The following PRIMPOL variants were observed in gnomAD, a reference collection of about 807,000 sequenced individuals.
The protein encoded by PRIMPOL is primase and DNA directed polymerase.
PRIMPOL carries 54 observed loss-of-function variants against 63.6 expected under a neutral mutation model. The observed-to-expected ratio is 0.85, with a 90% confidence interval of 0.68 to 1.07. The LOEUF is 1.07. PRIMPOL is among the 50% of genes least tolerant of loss of function. The pLI is 0.00. For synonymous variants in PRIMPOL, 197 were observed against 220.2 expected (o/e 0.89, Z 0.93); for missense variants, 610 against 648.3 (o/e 0.94, Z 0.64).
At chr4:184,684,203 AT>A (rs1203546458) in intron 9 of PRIMPOL, among the ~76,000 whole-genome samples, 1 of 152,200 alleles carries the variant, frequency 6.6e-6, no homozygotes, top group Non-Finnish European at 1.5e-5. Context: ...CACGCCTGTA[AT>A]CCCAGCACTT....
At chr4:184,667,914 A>G (rs1226240373) in intron 6 of PRIMPOL, among the ~76,000 whole-genome samples, 1 of 152,138 alleles carries the variant, frequency 6.6e-6, no homozygotes, top group Non-Finnish European at 1.5e-5. Flanking sequence ...TTCTAGGTGC[A>G]TGAGCCGTGT....
Position 184,691,506 on chromosome 4 carries a change from G to A in PRIMPOL, c.1303G>A (p.Val435Ile), listed in dbSNP as rs750021335. Residue 435 changes from valine to isoleucine, a missense_variant, in exon 12 of 14, where the codon GTT becomes ATT. Around this residue, in one of 3 missense-constraint regions of PRIMPOL, gnomAD observed 444 missense variants for 456.4 expected, o/e 0.97. Coordinates refer to ENST00000314970, the MANE Select transcript of PRIMPOL (RefSeq NM_152683.4). ...AHKSNNIMIL[V>I]DLKNEVWYQK... ...TTTTTTTTAAACATAAAGGATTCTG[G>A]TTGATCTGAAAAATGAAGTTTGGTA... The A allele has an allele frequency of 6.3e-7, 1 of 1,575,948 alleles. No homozygotes were observed. The highest frequency in any genetic ancestry group is 1.7e-5 in the Admixed American group (1 of 58,812).
chr4:184,688,074 C>A (rs148797012), intron 11 of PRIMPOL, among the ~76,000 whole-genome samples: 753 of 152,294 alleles, frequency 4.9e-3, no homozygotes, highest in Non-Finnish European at 7.7e-3. Context: ...TATAAATAGG[C>A]CACAGTTTAT....
At chr4:184,657,448 T>C in intron 3 of PRIMPOL, 128 bp downstream of exon 3, 1 of 723,760 alleles carries the variant, frequency 1.4e-6, no homozygotes, top group Non-Finnish European at 2.1e-6. Flanking sequence ...AGGCCATGTA[T>C]TCTACCAAGA....
Position 184,673,600 on chromosome 4 carries a change from T to G in PRIMPOL, c.844+1140T>G, listed in dbSNP as rs559712705. 2.0e-5 allele frequency among the ~76,000 whole-genome samples: 3 copies of G among 151,944 alleles called. No homozygotes were observed. In the South Asian group the frequency reaches 6.2e-4, roughly 32 times the overall value. ...CCACCACGCCCAGCTAATTTTTGTATTTTTAGTACAGACGGGGTTTCACCA... is the reference window on the plus strand; with the variant it reads ...CCACCACGCCCAGCTAATTTTTGTAGTTTTAGTACAGACGGGGTTTCACCA... On this transcript the variant is annotated intron_variant, in intron 7 of 13. Coordinates refer to ENST00000314970, the MANE Select transcript of PRIMPOL (RefSeq NM_152683.4).
At chr4:184,690,075 T>A (rs1402746094) in intron 11 of PRIMPOL, among the ~76,000 whole-genome samples, 1 of 152,154 alleles carries the variant, frequency 6.6e-6, no homozygotes, top group Non-Finnish European at 1.5e-5. Flanking sequence ...CACCTCCCCA[T>A]CCCACACCTC....
intron 2 of PRIMPOL, among the ~76,000 whole-genome samples, chr4:184,655,427 T>C (rs1482061067): frequency 6.6e-6 from 1 of 150,926 alleles, no homozygotes; most frequent in Non-Finnish European, 1.5e-5. Flanking sequence ...GTTCAAACTA[T>C]TCTCTTGCCT....
chr4:184,669,655 A>G (rs1008669453), intron 6 of PRIMPOL, among the ~76,000 whole-genome samples: 3 of 152,380 alleles, frequency 2.0e-5, no homozygotes, highest in Non-Finnish European at 4.4e-5. Context: ...CTGGGCTTTC[A>G]GTAAGATTTC....
chr4:184,681,569 T>C lies in PRIMPOL; in HGVS notation c.1008-679T>C, dbSNP rs534350785. Among the ~76,000 whole-genome samples the C allele has an allele frequency of 3.3e-5, 5 of 152,186 alleles. No individual in the cohort carries two copies. The South Asian group carries it at 1.0e-3, about 32-fold the overall frequency. The stretch of plus-strand genomic sequence containing the variant: ...ATTTTTATTGTTTTTTTATTTTTAT[T>C]TTCACTTATTTACTTATTTTTTTGA... On this transcript the variant is annotated intron_variant, in intron 8 of 13. Transcript: ENST00000314970.
intron 8 of PRIMPOL, among the ~76,000 whole-genome samples, chr4:184,678,704 T>C (rs1214006345): frequency 6.6e-6 from 1 of 151,900 alleles, no homozygotes; most frequent in East Asian, 1.9e-4. Context: ...ATTTTTGTAT[T>C]TTTAGTAGAG....
intron 4 of PRIMPOL, 131 bp from the exon 5 acceptor site, chr4:184,661,643 T>G (rs955412081): frequency 4.3e-5 from 21 of 483,028 alleles, no homozygotes; most frequent in African/African-American, 4.3e-4. Flanking sequence ...GAGGAGGAGG[T>G]TGCAGTGAAC....
chr4:184,693,346 G>A (rs1332236116), intron 13 of PRIMPOL, among the ~76,000 whole-genome samples: 1 of 152,022 alleles, frequency 6.6e-6, no homozygotes, highest in African/African-American at 2.4e-5. Context: ...AGATATTCGT[G>A]GTTGCAGTGG....
At chr4:184,669,810 G>T (rs1424691573) in intron 6 of PRIMPOL, among the ~76,000 whole-genome samples, 1 of 152,208 alleles carries the variant, frequency 6.6e-6, no homozygotes, top group Non-Finnish European at 1.5e-5. Flanking sequence ...TGGGCTGCCA[G>T]CTCAGCCCCT....
Position 184,672,336 on chromosome 4 carries a change from G to A in PRIMPOL, c.720G>A (p.Glu240=), listed in dbSNP as rs1752013059. ...FNKMFTEKAT[E]ESWTSNSKKL... ...AAATGTTCACAGAAAAGGCTACAGA[G>A]GAAAGCTGGACATCGAATTCAAAGA... The change falls in exon 7 of 14, where the codon GAG becomes GAA. Residue 240 remains glutamate, a synonymous_variant. Coordinates refer to ENST00000314970, the MANE Select transcript of PRIMPOL (RefSeq NM_152683.4). 1 of 1,614,046 alleles carries A rather than the reference G, an allele frequency of 6.2e-7. No individual in the cohort carries two copies. Among genetic ancestry groups the A allele is most frequent in the Non-Finnish European group, 8.5e-7 (1 of 1,180,044 alleles).
chr4:184,674,775 A>G (rs1231727017), intron 7 of PRIMPOL, among the ~76,000 whole-genome samples: 1 of 152,240 alleles, frequency 6.6e-6, no homozygotes, highest in Non-Finnish European at 1.5e-5. Context: ...AAGAGGGAAC[A>G]TATTTACAGT....
At position 184,678,359 on chromosome 4, in the gene PRIMPOL, T is replaced by A; in HGVS notation, c.972T>A (p.Tyr324Ter). ...AGTCAAAAGATGTTTCTGACGAATA[T>A]CAATATTTTCTCTCTTCTTTGGTCA... ...PIQSKDVSDE[Y>*]QYFLSSLVSN... The change falls in exon 8 of 14, where the codon TAT becomes TAA. Residue 324 changes from tyrosine to a stop codon, truncating the protein, a stop_gained. Coordinates refer to ENST00000314970, the MANE Select transcript of PRIMPOL (RefSeq NM_152683.4). LOFTEE classifies it high-confidence loss of function. 6.2e-7 allele frequency: 1 copy of A among 1,607,318 alleles called. No homozygotes were observed. The highest frequency in any genetic ancestry group is 8.5e-7 in the Non-Finnish European group (1 of 1,177,996).
chr4:184,685,359 C>A, intron 9 of PRIMPOL, 50 bp from the exon 10 acceptor site: 1 of 1,339,984 alleles, frequency 7.5e-7, no homozygotes, highest in Non-Finnish European at 1.1e-6. Flanking sequence ...CAAAATTTAA[C>A]TTCTCAACTT....
intron 2 of PRIMPOL, among the ~76,000 whole-genome samples, chr4:184,653,431 A>G (rs1055213878): frequency 6.6e-6 from 1 of 152,258 alleles, no homozygotes; most frequent in Admixed American, 6.5e-5. Context: ...ATCAGTATCA[A>G]CCATGCTTAA....
At chr4:184,683,693 C>A (rs902357192) in intron 9 of PRIMPOL, among the ~76,000 whole-genome samples, 5 of 152,072 alleles carry the variant, frequency 3.3e-5, no homozygotes, top group African/African-American at 1.2e-4. Context: ...TCATAACTTA[C>A]CCATTCCTCT....
Sources: allele counts gnomAD v4.1 joint callset (sites outside exome capture counted in the v4.1 genomes callset), GRCh38; gene constraint gnomAD v4.1.1; regional missense constraint gnomAD v4.1.1; transcripts MANE v1.5; gene names NCBI Gene and HGNC (gene_info 2026-07-23, HGNC 2026-07-21).